DNM1L: variants seen among roughly 807,000 people sequenced by gnomAD.
The protein encoded by DNM1L is dynamin 1L.
A neutral mutation model predicts 92.8 loss-of-function variants in DNM1L; 33 were observed. The observed-to-expected ratio is 0.36, with a 90% CI of 0.27 to 0.48. The LOEUF (loss-of-function observed/expected upper bound fraction) is 0.48. Among genes scored for constraint, DNM1L ranks in the 20% least tolerant of loss-of-function variants. The pLI, the probability that DNM1L is intolerant of heterozygous loss-of-function variation, is 0.99. For missense variants in DNM1L, 485 were observed against 888.8 expected (o/e 0.55, Z 5.78); for synonymous variants, 284 against 305.0 (o/e 0.93, Z 0.72).
At chr12:32,681,792 C>A (rs185701973) in intron 1 of DNM1L, among the ~76,000 whole-genome samples, 8 of 152,026 alleles carry the variant, frequency 5.3e-5, no homozygotes, top group African/African-American at 1.9e-4. Flanking sequence ...GTGTTCTGTA[C>A]TTAGTTCTGC....
intron 2 of DNM1L, chr12:32,706,031 A>C: frequency 1.2e-5 from 6 of 521,362 alleles, no homozygotes; most frequent in Non-Finnish European, 2.0e-5. Flanking sequence ...ATTGCATCAA[A>C]ATGCAAGCTT....
chr12:32,724,941 G>T (rs1464910367), intron 9 of DNM1L, among the ~76,000 whole-genome samples: 1 of 151,904 alleles, frequency 6.6e-6, no homozygotes, highest in African/African-American at 2.4e-5. Context: ...AGAAGCATGG[G>T]TAAGTGACAT....
Position 32,743,608 on chromosome 12 carries a change from C to G in DNM1L, c.*198C>G, listed in dbSNP as rs1955466730. 6 of 582,576 alleles carry G rather than the reference C, an allele frequency of 1.0e-5. No homozygotes were observed. The highest frequency in any genetic ancestry group is 2.9e-5 in the East Asian group (1 of 34,946). 36.1% of individuals were successfully genotyped at this position (582,576 alleles called of 1,614,324 possible). On this transcript the variant is annotated 3_prime_UTR_variant, in exon 20 of 20. Transcript: ENST00000549701. ...TAATCCAAATAATAAATGGCTGTTT[C>G]TAAAGTTTCCCAGTATATATAAAAT...
chr12:32,725,061 G>A (rs1268941629), intron 9 of DNM1L, among the ~76,000 whole-genome samples: 1 of 150,104 alleles, frequency 6.7e-6, no homozygotes. Flanking sequence ...TTAAAGCATC[G>A]TATCACTGAA....
chr12:32,740,021 C>G (rs775928022), intron 16 of DNM1L, 43 bp from the exon 17 acceptor site: 7 of 1,603,556 alleles, frequency 4.4e-6, no homozygotes, highest in Non-Finnish European at 3.4e-6. Flanking sequence ...TAGTTAAGGT[C>G]AGATATGATG....
At position 32,731,457 on chromosome 12, in the gene DNM1L, G is replaced by T. The variant is rs1057520763; in HGVS notation, c.1302G>T (p.Leu434=). 6 of 1,614,014 alleles carry T rather than the reference G, an allele frequency of 3.7e-6. No individual in the cohort carries two copies. Residue 434 remains leucine, a synonymous_variant, in exon 11 of 20, where the codon CTG becomes CTT. Transcript: ENST00000549701. The surrounding 1 kb of genome is among the most constrained non-coding windows in gnomAD (Gnocchi z 5.1). The part of the protein sequence containing the change: ...LEEPSLRCVE[L]VHEEMQRIIQ... ...AGCCCAGCCTCCGCTGTGTGGAACT[G>T]GTTCATGAGGAAATGCAAAGGATCA...
At position 32,733,777 on chromosome 12, in the gene DNM1L, T is replaced by C. The variant is rs1240371332; in HGVS notation, c.1509T>C (p.Asp503=). Residue 503 remains aspartate, a synonymous_variant, in exon 13 of 20, where the codon GAT becomes GAC. Transcript: ENST00000549701. ...YINTKHPDFA[D]ACGLMNNNIE... ...ACACAAAACATCCAGACTTTGCTGATGCTTGTGGGCTAATGAACAATAATA... is the reference window on the plus strand; with the variant it reads ...ACACAAAACATCCAGACTTTGCTGACGCTTGTGGGCTAATGAACAATAATA... 2 of 1,614,004 alleles carry C rather than the reference T, an allele frequency of 1.2e-6. No individual in the cohort carries two copies. The highest frequency in any genetic ancestry group is 1.7e-4 in the Middle Eastern group (1 of 6,056).
chr12:32,727,385 T>A (rs976492679), intron 9 of DNM1L: 1 of 774,102 alleles, frequency 1.3e-6, no homozygotes, highest in African/African-American at 1.7e-5. Context: ...TTGTAAGAAC[T>A]CCAAATATCA....
At chr12:32,684,919 A>G (rs1951944239) in intron 1 of DNM1L, among the ~76,000 whole-genome samples, 1 of 151,716 alleles carries the variant, frequency 6.6e-6, no homozygotes, top group Non-Finnish European at 1.5e-5. Context: ...ACATTCGTTT[A>G]CAAGTTTTTG....
intron 12 of DNM1L, among the ~76,000 whole-genome samples, chr12:32,732,843 T>C (rs937280971): frequency 6.6e-6 from 1 of 152,182 alleles, no homozygotes; most frequent in Non-Finnish European, 1.5e-5. Flanking sequence ...ACACCTGTAA[T>C]CCCAACACTT....
intron 5 of DNM1L, chr12:32,711,282 C>T (rs1864887714): frequency 2.5e-6 from 1 of 398,124 alleles, no homozygotes; most frequent in African/African-American, 2.0e-5. Flanking sequence ...AGTAAGTGCC[C>T]CAGAGCTCAG....
chr12:32,718,201 G>GTT (rs1463000080), intron 6 of DNM1L, among the ~76,000 whole-genome samples: 2 of 147,298 alleles, frequency 1.4e-5, no homozygotes, highest in Non-Finnish European at 3.0e-5. Context: ...AAGTGCAATG[G>GTT]CACGATCTCA....
chr12:32,742,526 TA>T, intron 18 of DNM1L, 62 bp from the exon 19 acceptor site: 1 of 1,605,138 alleles, frequency 6.2e-7, no homozygotes. Flanking sequence ...GGTTAGCATC[TA>T]AGCCCAAATT....
Position 32,745,252 on chromosome 12 carries a change from A to G in DNM1L, c.*1842A>G, listed in dbSNP as rs886049298. 68 of 260,418 alleles carry G rather than the reference A, an allele frequency of 2.6e-4. No individual in the cohort carries two copies. Among genetic ancestry groups the G allele is most frequent in the Middle Eastern group, 1.4e-3 (1 of 724 alleles). 16.1% of individuals were successfully genotyped at this position (260,418 alleles called of 1,614,324 possible). ...CATGATTTACTTTTTCCAGATGACT[A>G]TCATTATTCTAGTCCTTTGAATTTG... On this transcript the variant is annotated 3_prime_UTR_variant, in exon 20 of 20. Coordinates refer to ENST00000549701, the MANE Select transcript of DNM1L (RefSeq NM_012062.5).
rs761444723 is a variant in DNM1L at position 32,737,916 on chromosome 12, GCTGCTT to G, written c.1654_1659del (p.Ser552_Ala553del). The G allele has an allele frequency of 1.9e-5, 31 of 1,613,670 alleles. No individual in the cohort carries two copies. In the South Asian group the frequency reaches 3.2e-4, roughly 17 times the overall value. ...ACCTGCCTCCCAGGAGCCCTCCCCC[GCTGCTT>G]CTGCTGAGGCTGATGGCAAGGTCTG... On this transcript the variant is annotated inframe_deletion, in exon 15 of 20. Coordinates refer to ENST00000549701, the MANE Select transcript of DNM1L (RefSeq NM_012062.5).
chr12:32,717,401 T>A (rs1325145095), intron 6 of DNM1L, among the ~76,000 whole-genome samples: 1 of 69,780 alleles, frequency 1.4e-5, no homozygotes, highest in Non-Finnish European at 2.6e-5. Flanking sequence ...GTATATATAA[T>A]ATATAATATA....
chr12:32,716,870 G>C (rs1953405635), intron 6 of DNM1L, among the ~76,000 whole-genome samples: 1 of 146,792 alleles, frequency 6.8e-6, no homozygotes, highest in African/African-American at 2.5e-5. Context: ...TTTGCATATA[G>C]TTTTTTATAT....
intron 1 of DNM1L, among the ~76,000 whole-genome samples, chr12:32,689,930 A>C (rs1309719625): frequency 1.3e-5 from 2 of 152,254 alleles, no homozygotes; most frequent in Non-Finnish European, 2.9e-5. Flanking sequence ...CAGGCACACA[A>C]ATCTTTAGCT....
chr12:32,709,504 G>T (rs909821864), intron 4 of DNM1L: 3 of 152,106 alleles, frequency 2.0e-5, no homozygotes, highest in Non-Finnish European at 4.4e-5. Context: ...AATTTATGTT[G>T]AGGATATAAT....
Sources: gnomAD v4.1 joint callset for allele counts (sites outside exome capture counted in the v4.1 genomes callset) on GRCh38, gnomAD v4.1.1 for gene constraint, Gnocchi (gnomAD v3.1) non-coding constraint, MANE v1.5 for transcripts, NCBI Gene and HGNC (gene_info 2026-07-23, HGNC 2026-07-21) for gene names.